Variants in SRGAP2B observed in about 807,000 individuals in gnomAD.
SRGAP2B encodes SLIT-ROBO Rho GTPase activating protein 2B.
A neutral mutation model predicts 22.2 loss-of-function variants in SRGAP2B; 9 were observed. The ratio of observed to expected loss-of-function variants is 0.41; its 90% CI spans 0.24 to 0.71. The LOEUF is 0.71. SRGAP2B is among the 30% of genes least tolerant of loss of function. The pLI, the probability that SRGAP2B is intolerant of heterozygous loss-of-function variation, is 0.35. For synonymous variants in SRGAP2B, 36 were observed against 87.4 expected, an observed-to-expected ratio of 0.41 and a Z score of 3.28; for missense variants, 114 against 235.8, an observed-to-expected ratio of 0.48 and a Z score of 3.38.
At position 145,021,669 on chromosome 1, in the gene SRGAP2B, C is replaced by T. The variant is rs1309128650; in HGVS notation, c.68-26469G>A. Among the ~76,000 whole-genome samples, 3 of 147,630 alleles carry T rather than the reference C, an allele frequency of 2.0e-5. No individual in the cohort carries two copies. The South Asian group carries it at 6.4e-4, about 31-fold the overall frequency. ...TCTCTACTAAAAATACAAAAATTAG[C>T]CGGGTGTGGTGGCACATGCCTGTAA... On this transcript the variant is annotated intron_variant, in intron 2 of 9. Coordinates refer to ENST00000612199, the Ensembl canonical transcript of SRGAP2B.
chr1:144,990,690 C>T (rs587718372), intron 3 of SRGAP2B, among the ~76,000 whole-genome samples: 4 of 150,468 alleles, frequency 2.7e-5, no homozygotes, highest in South Asian at 2.1e-4. Context: ...GCGGCGCTTG[C>T]GGGCCAGCTG....
At chr1:145,007,648 AATTACTT>A (rs1298519846) in intron 2 of SRGAP2B, among the ~76,000 whole-genome samples, 2 of 150,818 alleles carry the variant, frequency 1.3e-5, no homozygotes, top group African/African-American at 5.0e-5. Context: ...ACCTTGGGCA[AATTACTT>A]ATCTCTCTAT....
chr1:145,011,481 A>C (rs1232051113), intron 2 of SRGAP2B, among the ~76,000 whole-genome samples: 4 of 150,612 alleles, frequency 2.7e-5, no homozygotes, highest in African/African-American at 1.0e-4. Context: ...CCTCATAGCC[A>C]TCTAACAGGT....
At chr1:144,954,212 GAC>G (rs1262405445) in intron 4 of SRGAP2B, among the ~76,000 whole-genome samples, 2 of 142,180 alleles carry the variant, frequency 1.4e-5, no homozygotes, top group African/African-American at 5.3e-5. Flanking sequence ...CTGTCTCTAA[GAC>G]ACAGGGAAAG....
chr1:144,909,256 T>G (rs1300854532), intron 5 of SRGAP2B, among the ~76,000 whole-genome samples: 1 of 146,226 alleles, frequency 6.8e-6, no homozygotes, highest in Admixed American at 6.8e-5. Context: ...AGCAGTGGGA[T>G]GAAGGTAGAG....
intron 6 of SRGAP2B, 134 bp downstream of exon 6, chr1:144,905,725 T>A: frequency 1.5e-6 from 1 of 674,082 alleles, no homozygotes; most frequent in Non-Finnish European, 2.7e-6. Flanking sequence ...CAAGGCCTCA[T>A]TTTCAGTCAT....
chr1:145,017,264 T>C (rs1234556501), intron 2 of SRGAP2B, among the ~76,000 whole-genome samples: 4 of 150,250 alleles, frequency 2.7e-5, no homozygotes, highest in Non-Finnish European at 4.4e-5. Flanking sequence ...CAGTATTTTT[T>C]AAAGATATGA....
intron 2 of SRGAP2B, among the ~76,000 whole-genome samples, chr1:145,041,909 AT>A (rs1649299163): frequency 7.2e-6 from 1 of 139,416 alleles, no homozygotes; most frequent in South Asian, 2.3e-4. Context: ...TGTTCCATGA[AT>A]GTAGAATGAA....
At chr1:144,957,877 T>A (rs1461265683) in intron 3 of SRGAP2B, among the ~76,000 whole-genome samples, 1 of 147,934 alleles carries the variant, frequency 6.8e-6, no homozygotes, top group Non-Finnish European at 1.5e-5. Flanking sequence ...AAGGGGCAGA[T>A]CTCATGAGAC....
At chr1:144,985,433 T>G (rs1570929139) in intron 3 of SRGAP2B, among the ~76,000 whole-genome samples, 1 of 148,192 alleles carries the variant, frequency 6.7e-6, no homozygotes, top group Non-Finnish European at 1.5e-5. Context: ...ACCTAAAAAA[T>G]GAGCTATTAA....
At chr1:145,002,622 T>G in intron 2 of SRGAP2B, among the ~76,000 whole-genome samples, 1 of 150,176 alleles carries the variant, frequency 6.7e-6, no homozygotes, top group Non-Finnish European at 1.5e-5. Flanking sequence ...GCCTTGGATT[T>G]TTGGTCCCTT....
intron 2 of SRGAP2B, among the ~76,000 whole-genome samples, chr1:145,045,310 AAAAGAAAGAAAGAAAAGAG>A (rs1649677348): frequency 7.0e-6 from 1 of 143,662 alleles, no homozygotes; most frequent in Non-Finnish European, 1.5e-5. Context: ...AAAAAAAAAA[AAAAGAAAGAAAGAAAAGAG>A]AAAGAAAGAG....
intron 4 of SRGAP2B, among the ~76,000 whole-genome samples, chr1:144,942,571 C>T (rs1232636468): frequency 1.3e-5 from 2 of 150,486 alleles, no homozygotes; most frequent in African/African-American, 5.0e-5. Flanking sequence ...AGGAATACAC[C>T]ACGACGCCTG....
chr1:144,976,038 TA>T (rs1335230140), intron 3 of SRGAP2B, among the ~76,000 whole-genome samples: 1 of 148,900 alleles, frequency 6.7e-6, no homozygotes, highest in African/African-American at 2.6e-5. Context: ...CATGCCCGGC[TA>T]ATTTTTTTTT....
rs1172003264 is a variant in SRGAP2B at position 144,910,508 on chromosome 1, G to A, written c.486+4184C>T. ...GAAGTAGCTCTGCCAGCACACAGCC[G>A]ATGCTCCAAGCCAAGGGGATATAAA... On this transcript the variant is annotated intron_variant, in intron 5 of 9. Transcript: ENST00000612199. Among the ~76,000 whole-genome samples the A allele has an allele frequency of 5.3e-3, 791 of 149,996 alleles. 29 individuals carry two copies. The highest frequency in any genetic ancestry group is 8.1e-3 in the Non-Finnish European group (551 of 67,902).
chr1:144,927,229 C>T (rs1664800631), intron 4 of SRGAP2B, among the ~76,000 whole-genome samples: 1 of 149,388 alleles, frequency 6.7e-6, no homozygotes, highest in African/African-American at 2.5e-5. Flanking sequence ...GGATTACAGG[C>T]ATGAGCCACC....
intron 3 of SRGAP2B, among the ~76,000 whole-genome samples, chr1:144,958,261 G>T (rs1459701673): frequency 1.3e-5 from 2 of 151,080 alleles, no homozygotes; most frequent in African/African-American, 4.9e-5. Context: ...TCCCCAAGGT[G>T]TCCTCAAAAG....
chr1:144,960,272 C>T (rs1276932211), intron 3 of SRGAP2B, among the ~76,000 whole-genome samples: 1 of 146,532 alleles, frequency 6.8e-6, no homozygotes, highest in African/African-American at 2.6e-5. Context: ...AGACAAAATA[C>T]CTAGGAGTAT....
intron 3 of SRGAP2B, among the ~76,000 whole-genome samples, chr1:144,970,248 A>C (rs1269582824): frequency 8.1e-6 from 1 of 123,646 alleles, no homozygotes; most frequent in Non-Finnish European, 1.6e-5. Flanking sequence ...GAACCAACCC[A>C]AATGTCCAAC....
Sources: allele counts gnomAD v4.1 joint callset (sites outside exome capture counted in the v4.1 genomes callset), GRCh38; gene constraint gnomAD v4.1.1; transcripts MANE v1.5; gene names NCBI Gene and HGNC (gene_info 2026-07-23, HGNC 2026-07-21).